Variants in TRMU observed in about 807,000 individuals in gnomAD.
TRMU encodes the protein tRNA mitochondrial 2-thiouridylase, also known as mitochondrial tRNA-specific 2-thiouridylase 1.
A neutral mutation model predicts 46.9 loss-of-function variants in TRMU; 49 were observed. The ratio of observed to expected loss-of-function variants is 1.05; its 90% CI spans 0.83 to 1.33. TRMU has a LOEUF of 1.33. Ranked by LOEUF, TRMU falls within the 40% of genes most tolerant of loss-of-function variation. The probability of loss-of-function intolerance (pLI) is 0.00; values close to 1 mark genes in which losing one functional copy is unlikely to be tolerated. For missense variants in TRMU, 572 were observed against 532.4 expected (o/e 1.07, Z -0.73); for synonymous variants, 241 against 200.9 (o/e 1.20, Z -1.69).
chr22:46,345,709 A>G (rs1273323424), intron 3 of TRMU, among the ~76,000 whole-genome samples: 2 of 151,344 alleles, frequency 1.3e-5, no homozygotes, highest in African/African-American at 4.9e-5. Flanking sequence ...CCCCATTGTT[A>G]CGGCAGTGCA....
chr22:46,337,921 G>C lies in TRMU; in HGVS notation c.225G>C (p.Lys75Asn), dbSNP rs1274494990. 6.2e-7 allele frequency: 1 copy of C among 1,614,216 alleles called. No individual in the cohort carries two copies. Among genetic ancestry groups the C allele is most frequent in the South Asian group, 1.1e-5 (1 of 91,082 alleles). ...DIPFHQVSYV[K>N]EYWNDVFSDF... Reference sequence around the variant, plus strand: ...CTTTCCATCAAGTGTCCTACGTAAAGGAGTATTGGAATGATGTGTTCAGGT... The same window carrying C: ...CTTTCCATCAAGTGTCCTACGTAAACGAGTATTGGAATGATGTGTTCAGGT... The change falls in exon 2 of 11, where the codon AAG (lysine) becomes AAC (asparagine). Residue 75 changes from lysine (K) to asparagine (N), a missense_variant. Coordinates refer to ENST00000645190, the MANE Select transcript of TRMU (RefSeq NM_018006.5).
In TRMU at chr22:46,336,073, C is replaced by G; in HGVS notation, c.82+227C>G. On this transcript the variant is annotated intron_variant, in intron 1 of 10. Coordinates refer to ENST00000645190, the MANE Select transcript of TRMU (RefSeq NM_018006.5). This position sits in a 1 kb window ranked among gnomAD's most constrained non-coding sequence, Gnocchi z 4.1. ...AGCTCCGACTACCTGGGAGCAGTTC[C>G]GCGCCCCTCTCCACCCACGCGCGCC... is the stretch of plus-strand genomic sequence containing the variant. The G allele has an allele frequency of 7.2e-7, 1 of 1,383,368 alleles. No individual in the cohort carries two copies. Among genetic ancestry groups the G allele is most frequent in the Non-Finnish European group, 9.3e-7 (1 of 1,072,386 alleles). 85.7% of individuals were successfully genotyped at this position (1,383,368 alleles called of 1,614,324 possible).
rs749895492 is a variant in TRMU at position 46,343,269 on chromosome 22, TTGAA to T, written c.260_263del (p.Asn87SerfsTer12). 1.2e-6 allele frequency: 2 copies of T among 1,612,376 alleles called. No individual in the cohort carries two copies. The highest frequency in any genetic ancestry group is 1.7e-6 in the Non-Finnish European group (2 of 1,178,610). ...CATTTTCTTTTATTCTAGTGACTTT[TTGAA>T]TGAGTATGAAAAAGGAAGGACTCCC... On this transcript the variant is annotated frameshift_variant, in exon 3 of 11. Coordinates refer to ENST00000645190, the MANE Select transcript of TRMU (RefSeq NM_018006.5). LOFTEE classifies it high-confidence loss of function.
Position 46,338,158 on chromosome 22 carries a change from G to T in TRMU, c.248+214G>T, listed in dbSNP as rs2078029922. 1 of 592,000 alleles carries T rather than the reference G, an allele frequency of 1.7e-6. No homozygotes were observed. The highest frequency in any genetic ancestry group is 3.1e-5 in the East Asian group (1 of 32,496). The allele number at this position is 592,000 out of a possible 1,614,324, so 36.7% of individuals were successfully genotyped here. A position where few individuals can be genotyped will look rare whatever the true frequency, so the allele number is the denominator to read the frequency against. ...CAGCACACCCAGCTCTCTCACTCCT[G>T]TCATTTTGCCACTTGCCTGAAGTCT... On this transcript the variant is annotated intron_variant, in intron 2 of 10. Transcript: ENST00000645190. This position sits in a 1 kb window ranked among gnomAD's most constrained non-coding sequence, Gnocchi z 4.5.
In TRMU at chr22:46,353,873, T is replaced by C. The variant is rs779309716; in HGVS notation, c.873+6T>C. 6.2e-7 allele frequency: 1 copy of C among 1,612,908 alleles called. No individual in the cohort carries two copies. Among genetic ancestry groups the C allele is most frequent in the Non-Finnish European group, 8.5e-7 (1 of 1,179,276 alleles). ...TCAAGGGTGACGTGTTTGTGGTGAGTGGGCCGGCCTCTGAGACAGCACTGG... is the reference window on the plus strand; with the variant it reads ...TCAAGGGTGACGTGTTTGTGGTGAGCGGGCCGGCCTCTGAGACAGCACTGG... On this transcript the variant is annotated splice_donor_region_variant and intron_variant, in intron 8 of 10. Transcript: ENST00000645190.
At position 46,351,476 on chromosome 22, in the gene TRMU, G is replaced by GA. The variant is rs1292782242; in HGVS notation, c.652-642dup. 1.3e-5 allele frequency among the ~76,000 whole-genome samples: 2 copies of GA among 152,182 alleles called. No homozygotes were observed. Among genetic ancestry groups the GA allele is most frequent in the Non-Finnish European group, 2.9e-5 (2 of 68,024 alleles). On this transcript the variant is annotated intron_variant, in intron 5 of 10. Transcript: ENST00000645190. The surrounding 1 kb of genome is among the most constrained non-coding windows in gnomAD (Gnocchi z 6.4). ...TCCTTCGTGTCTCTTCCTGGTAATG[G>GA]AAACGGCCATACCTTTCATCAGAGC...
At chr22:46,345,756 T>C (rs908130826) in intron 3 of TRMU, among the ~76,000 whole-genome samples, 1 of 150,636 alleles carries the variant, frequency 6.6e-6, no homozygotes, top group Non-Finnish European at 1.5e-5. Flanking sequence ...TGTTGAACAT[T>C]TTGGTTCTTT....
intron 9 of TRMU, 27 bp from the exon 10 acceptor site, chr22:46,355,963 C>G (rs1378503368): frequency 6.2e-7 from 1 of 1,613,326 alleles, no homozygotes; most frequent in Non-Finnish European, 8.5e-7. Context: ...CCTGTGCCCC[C>G]TCCAAGGGCC....
At position 46,337,718 on chromosome 22, in the gene TRMU, C is replaced by G. The variant is rs1367365633; in HGVS notation, c.83-61C>G. The G allele has an allele frequency of 3.1e-6, 5 of 1,601,370 alleles. No homozygotes were observed. In the South Asian group the frequency reaches 3.3e-5, roughly 11 times the overall value. Reference sequence around the variant, plus strand: ...GGGGAACTTCTCAGAGCTCAGAAATCACTGCCGTTTTACCGAAGGTTGATT... The same window carrying G: ...GGGGAACTTCTCAGAGCTCAGAAATGACTGCCGTTTTACCGAAGGTTGATT... On this transcript the variant is annotated intron_variant, in intron 1 of 10. Transcript: ENST00000645190.
At chr22:46,356,100 G>A (rs1555900990) in intron 10 of TRMU, 28 bp downstream of exon 10, 3 of 1,613,086 alleles carry the variant, frequency 1.9e-6, no homozygotes, top group Non-Finnish European at 2.5e-6. Flanking sequence ...GTGAGCCCGG[G>A]GAGGACTGTA....
chr22:46,356,279 A>G (rs1005303197), intron 10 of TRMU: 5 of 595,574 alleles, frequency 8.4e-6, no homozygotes, highest in Non-Finnish European at 1.5e-5. Context: ...GGTGTCACCA[A>G]CCAGCCAGTT....
intron 10 of TRMU, chr22:46,356,410 G>A (rs9615960): frequency 0.068 from 29,835 of 436,212 alleles, 1,271 homozygotes; most frequent in Non-Finnish European, 0.091. Flanking sequence ...TGGGCCGAGT[G>A]TGCAGGAGCT....
Position 46,351,864 on chromosome 22 carries a change from G to T in TRMU, c.652-257G>T. ...CTGACCGGGTTCTGCTTTCTTCCCC[G>T]GGGCAGCTGGTGTGAGGGTCTCCCG... On this transcript the variant is annotated intron_variant, in intron 5 of 10. Transcript: ENST00000645190. This position sits in a 1 kb window ranked among gnomAD's most constrained non-coding sequence, Gnocchi z 6.4. 1 of 576,874 alleles carries T rather than the reference G, an allele frequency of 1.7e-6. No homozygotes were observed. The highest frequency in any genetic ancestry group is 3.1e-6 in the Non-Finnish European group (1 of 321,360). 35.7% of individuals were successfully genotyped at this position (576,874 alleles called of 1,614,324 possible). A position where few individuals can be genotyped will look rare whatever the true frequency, so the allele number is the denominator to read the frequency against.
intron 8 of TRMU, chr22:46,354,871 C>G (rs376683669): frequency 1.2e-5 from 2 of 160,162 alleles, no homozygotes; most frequent in African/African-American, 4.8e-5. Flanking sequence ...CTCAATGGCC[C>G]GAGGCCATGG....
intron 3 of TRMU, among the ~76,000 whole-genome samples, chr22:46,346,032 G>T (rs1477721231): frequency 1.3e-5 from 2 of 152,012 alleles, no homozygotes; most frequent in African/African-American, 4.8e-5. Context: ...CGGCCTCCCA[G>T]AGTGCTAGGA....
Position 46,350,032 on chromosome 22 carries a change from A to ATCTT in TRMU, c.479-257_479-254dup, listed in dbSNP as rs937351399. Among the ~76,000 whole-genome samples, 21 of 133,844 alleles carry ATCTT rather than the reference A, an allele frequency of 1.6e-4. No homozygotes were observed. The highest frequency in any genetic ancestry group is 3.4e-4 in the Non-Finnish European group (21 of 61,846). 87.8% of individuals were successfully genotyped at this position (133,844 alleles called of 152,430 possible). ...AGAACATTTTTTCATGTGATGTTTCATCTTTGAAAATATTATAATCTGAAG... is the reference window on the plus strand; with the variant it reads ...AGAACATTTTTTCATGTGATGTTTCATCTTTCTTTGAAAATATTATAATCTGAAG... On this transcript the variant is annotated intron_variant, in intron 4 of 10. Coordinates refer to ENST00000645190, the MANE Select transcript of TRMU (RefSeq NM_018006.5). The surrounding 1 kb of genome is among the most constrained non-coding windows in gnomAD (Gnocchi z 4.6).
At chr22:46,352,399 T>G in intron 7 of TRMU, 69 bp downstream of exon 7, 1 of 1,561,038 alleles carries the variant, frequency 6.4e-7, no homozygotes, top group Non-Finnish European at 8.8e-7. Flanking sequence ...TCTGGGAGAC[T>G]AGACCAGAGT....
chr22:46,335,772 C>T lies in TRMU; in HGVS notation c.8C>T (p.Ala3Val), dbSNP rs1265502615. ...AAGTTGGGCGACTGGCGGATGCAGG[C>T]CTTGCGGCACGTCGTGTGCGCCCTG... is the stretch of plus-strand genomic sequence containing the variant. MQ[A>V]LRHVVCALSG... is the part of the protein sequence containing the mutation. Residue 3 changes from alanine to valine, a missense_variant, in exon 1 of 11, where the codon GCC becomes GTC. Coordinates refer to ENST00000645190, the MANE Select transcript of TRMU (RefSeq NM_018006.5). The T allele has an allele frequency of 7.7e-6, 12 of 1,551,954 alleles. No homozygotes were observed. Among genetic ancestry groups the T allele is most frequent in the Admixed American group, 1.9e-5 (1 of 52,294 alleles).
chr22:46,357,092 T>C lies in TRMU; in HGVS notation c.*86T>C, dbSNP rs1317016284. 2 of 1,575,454 alleles carry C rather than the reference T, an allele frequency of 1.3e-6. No individual in the cohort carries two copies. Among genetic ancestry groups the C allele is most frequent in the African/African-American group, 1.4e-5 (1 of 73,872 alleles). ...GCAGTCCAGGTGCCCAAGGGCCAGC[T>C]TGCTGCTGCCCAAAGCAGAGGAAGC... On this transcript the variant is annotated 3_prime_UTR_variant, in exon 11 of 11. Transcript: ENST00000645190.
Sources: allele counts gnomAD v4.1 joint callset (sites outside exome capture counted in the v4.1 genomes callset), GRCh38; gene constraint gnomAD v4.1.1; non-coding constraint Gnocchi (gnomAD v3.1); transcripts MANE v1.5; gene names NCBI Gene and HGNC (gene_info 2026-07-23, HGNC 2026-07-21).